BICRA: variants seen among roughly 807,000 people sequenced by gnomAD.
BICRA encodes the protein BRD4-interacting chromatin-remodeling complex-associated protein.
BICRA carries 31 observed loss-of-function variants against 96.9 expected under a neutral mutation model. The observed-to-expected ratio is 0.32, with a 90% CI of 0.24 to 0.43. The LOEUF (loss-of-function observed/expected upper bound fraction) is 0.43, where lower values mean the gene tolerates loss of function less well. BICRA is among the 20% of genes least tolerant of loss of function. The probability of loss-of-function intolerance (pLI) is 1.00; values close to 1 mark genes in which losing one functional copy is unlikely to be tolerated. For missense variants in BICRA, 2,283 were observed against 2,190.3 expected (o/e 1.04, Z -0.84); for synonymous variants, 1,350 against 1,071.8 (o/e 1.26, Z -5.07).
intron 7 of BICRA, among the ~76,000 whole-genome samples, chr19:47,685,074 A>T (rs1973123705): frequency 6.6e-6 from 1 of 151,782 alleles, no homozygotes; most frequent in Admixed American, 6.6e-5. Flanking sequence ...TGCTTAAGTG[A>T]TCCTCCCACC....
At position 47,702,338 on chromosome 19, in the gene BICRA, C is replaced by T. The variant is rs746573370; in HGVS notation, c.4606C>T (p.Pro1536Ser). The change falls in exon 15 of 15, where the codon CCG becomes TCG. Residue 1536 changes from proline (P) to serine (S), a missense_variant. Pro to Ser is a moderately conservative substitution (Grantham distance 74, BLOSUM62 -1). Coordinates refer to ENST00000594866, the MANE Select transcript of BICRA (RefSeq NM_001394372.1). Reference sequence around the variant, plus strand: ...CTCGGCCGGCACCCCCGCATCCCCGCCGCCCCTGCACAGGCCCGAGGCCTA... The same window carrying T: ...CTCGGCCGGCACCCCCGCATCCCCGTCGCCCCTGCACAGGCCCGAGGCCTA... ...AASAGTPASP[P>S]PLHRPEAYPP... 7.3e-5 allele frequency: 113 copies of T among 1,548,272 alleles called. No homozygotes were observed. Among genetic ancestry groups the T allele is most frequent in the Non-Finnish European group, 9.0e-5 (104 of 1,156,720 alleles).
In BICRA at chr19:47,702,014, C is replaced by T. The variant is rs770254081; in HGVS notation, c.4282C>T (p.Leu1428Phe). 4.9e-5 allele frequency: 73 copies of T among 1,489,258 alleles called. No individual in the cohort carries two copies. The highest frequency in any genetic ancestry group is 5.8e-5 in the Non-Finnish European group (65 of 1,128,578). The allele number at this position is 1,489,258 out of a possible 1,614,324, so 92.3% of individuals were successfully genotyped here. Residue 1428 changes from leucine to phenylalanine, a missense_variant, in exon 15 of 15, where the codon CTC (leucine) becomes TTC (phenylalanine). Coordinates refer to ENST00000594866, the MANE Select transcript of BICRA (RefSeq NM_001394372.1). ...PAKVDEATSG[L>F]IRELAAVEDE... ...CAAAGTGGACGAGGCCACCAGCGGGCTCATCCGCGAGCTGGCGGCCGTGGA... is the reference window on the plus strand; with the variant it reads ...CAAAGTGGACGAGGCCACCAGCGGGTTCATCCGCGAGCTGGCGGCCGTGGA...
At chr19:47,630,123 G>A (rs796465858) in intron 1 of BICRA, among the ~76,000 whole-genome samples, 6 of 142,710 alleles carry the variant, frequency 4.2e-5, no homozygotes, top group South Asian at 2.2e-4. Context: ...TCAGCACCTC[G>A]TTACCTCTAT....
intron 1 of BICRA, among the ~76,000 whole-genome samples, chr19:47,627,215 G>A (rs1568549515): frequency 6.6e-6 from 1 of 152,094 alleles, no homozygotes. Flanking sequence ...GGCCACCTCA[G>A]CTTCTTTCAG....
At chr19:47,616,465 T>C (rs543729555) in intron 1 of BICRA, among the ~76,000 whole-genome samples, 2 of 152,184 alleles carry the variant, frequency 1.3e-5, no homozygotes, top group African/African-American at 4.8e-5. Context: ...GGTGAAGCCC[T>C]GTCTCTACTA....
intron 1 of BICRA, among the ~76,000 whole-genome samples, chr19:47,620,497 T>C (rs1972048395): frequency 6.6e-6 from 1 of 150,720 alleles, no homozygotes; most frequent in African/African-American, 2.4e-5. Context: ...TGAAACCCCG[T>C]CTCTACAAAA....
In BICRA at chr19:47,694,364, C is replaced by T. The variant is rs756624863; in HGVS notation, c.2533C>T (p.Pro845Ser). Residue 845 changes from proline to serine, a missense_variant, in exon 8 of 15, where the codon CCG (proline) becomes TCG (serine). Physicochemically the swap from Pro to Ser is moderately conservative, Grantham distance 74 (BLOSUM62 -1). Coordinates refer to ENST00000594866, the MANE Select transcript of BICRA (RefSeq NM_001394372.1). ...CATCCAAAACCAGCTAGGCGTTCCC[C>T]CGCCTGCCAGCAACCCGGCCCCTAC... is the stretch of plus-strand genomic sequence containing the variant. ...FVIQNQLGVPPPASNPAPTAP... is the reference protein window; with the variant it reads ...FVIQNQLGVPSPASNPAPTAP... The T allele has an allele frequency of 3.8e-6, 5 of 1,317,594 alleles. No homozygotes were observed. The Admixed American group carries it at 5.8e-5, about 15-fold the overall frequency. The allele number at this position is 1,317,594 out of a possible 1,614,324, so 81.6% of individuals were successfully genotyped here. A position where few individuals can be genotyped will look rare whatever the true frequency, so the allele number is the denominator to read the frequency against.
At chr19:47,683,971 G>A (rs1270847229) in intron 7 of BICRA, among the ~76,000 whole-genome samples, 1 of 152,132 alleles carries the variant, frequency 6.6e-6, no homozygotes, top group Non-Finnish European at 1.5e-5. Flanking sequence ...ACAGTGACAA[G>A]GGCAGGATGG....
At chr19:47,650,779 C>A (rs1047125043) in intron 1 of BICRA, among the ~76,000 whole-genome samples, 1 of 152,050 alleles carries the variant, frequency 6.6e-6, no homozygotes, top group Non-Finnish European at 1.5e-5. Context: ...CAGCAGAATG[C>A]ATTAGAGGGA....
At chr19:47,662,748 G>C (rs902363191) in intron 1 of BICRA, 3 of 152,300 alleles carry the variant, frequency 2.0e-5, no homozygotes, top group Non-Finnish European at 2.9e-5. Flanking sequence ...CCAGGGTCAA[G>C]GGCTGAAGTC....
At chr19:47,669,878 G>C (rs1004328962) in intron 1 of BICRA, among the ~76,000 whole-genome samples, 3 of 151,790 alleles carry the variant, frequency 2.0e-5, no homozygotes, top group African/African-American at 7.3e-5. Flanking sequence ...GGATGGTCTC[G>C]ATCTCCTGAC....
intron 1 of BICRA, among the ~76,000 whole-genome samples, chr19:47,657,357 C>T (rs1414571774): frequency 6.6e-6 from 1 of 151,980 alleles, no homozygotes; most frequent in African/African-American, 2.4e-5. Context: ...GCTTTCTGTG[C>T]CATTTACAGT....
At chr19:47,647,152 T>C (rs1167245080) in intron 1 of BICRA, among the ~76,000 whole-genome samples, 2 of 152,198 alleles carry the variant, frequency 1.3e-5, no homozygotes, top group African/African-American at 4.8e-5. Context: ...AATACTCCAT[T>C]GTATGGATAG....
Position 47,648,141 on chromosome 19 carries a change from G to A in BICRA, c.-107-22302G>A, listed in dbSNP as rs28540335. On this transcript the variant is annotated intron_variant, in intron 1 of 14. Transcript: ENST00000594866. ...CTCTCTCTGTCTCTCTGAACTGCTCGTTCCCTCCTTGCCTTCTGTGCCGAT... is the reference window on the plus strand; with the variant it reads ...CTCTCTCTGTCTCTCTGAACTGCTCATTCCCTCCTTGCCTTCTGTGCCGAT... Among the ~76,000 whole-genome samples, 362 of 151,940 alleles carry A rather than the reference G, an allele frequency of 2.4e-3. 2 individuals carry two copies. The highest frequency in any genetic ancestry group is 8.4e-3 in the African/African-American group (350 of 41,444).
chr19:47,630,194 TC>T (rs1412019559), intron 1 of BICRA, among the ~76,000 whole-genome samples: 2 of 135,522 alleles, frequency 1.5e-5, no homozygotes, highest in African/African-American at 5.5e-5. Flanking sequence ...GGAGTCTCAC[TC>T]TGTCGCCTAG....
chr19:47,661,274 G>A lies in BICRA; in HGVS notation c.-107-9169G>A, dbSNP rs956521919. On this transcript the variant is annotated intron_variant, in intron 1 of 14. Transcript: ENST00000594866. Reference sequence around the variant, plus strand: ...ATTCAGCAACCTTGGCTGGGGTGACGAAGATGATGAAGTCAGAGGTGGCCG... The same window carrying A: ...ATTCAGCAACCTTGGCTGGGGTGACAAAGATGATGAAGTCAGAGGTGGCCG... Among the ~76,000 whole-genome samples the A allele has an allele frequency of 4.6e-5, 7 of 151,112 alleles. 1 individual carries two copies. The South Asian group carries it at 8.4e-4, about 18-fold the overall frequency.
chr19:47,622,934 A>C lies in BICRA; in HGVS notation c.-108+13766A>C, dbSNP rs1426265071. Among the ~76,000 whole-genome samples the C allele has an allele frequency of 2.7e-5, 4 of 147,358 alleles. No individual in the cohort carries two copies. In the East Asian group the frequency reaches 6.4e-4, roughly 23 times the overall value. ...GCACCTGTAATCCTAGCTACTCAGG[A>C]GGCTGAGGCAGAGAATTGTTTGAGC... On this transcript the variant is annotated intron_variant, in intron 1 of 14. Transcript: ENST00000594866.
At chr19:47,689,977 G>A (rs1973216680) in intron 7 of BICRA, among the ~76,000 whole-genome samples, 1 of 152,074 alleles carries the variant, frequency 6.6e-6, no homozygotes, top group Non-Finnish European at 1.5e-5. Context: ...CGAAGCTGCA[G>A]GAAACAACTT....
chr19:47,674,337 G>T (rs1972911156), intron 4 of BICRA, among the ~76,000 whole-genome samples: 1 of 111,424 alleles, frequency 9.0e-6, no homozygotes, highest in African/African-American at 3.7e-5. Context: ...AAGCCCGATA[G>T]AGGAGTTGTT....
Sources: allele counts gnomAD v4.1 joint callset (sites outside exome capture counted in the v4.1 genomes callset), GRCh38; gene constraint gnomAD v4.1.1; transcripts MANE v1.5; gene names NCBI Gene and HGNC (gene_info 2026-07-23, HGNC 2026-07-21).